BCAS3: variants seen among roughly 807,000 people sequenced by gnomAD.
BCAS3 encodes the protein BCAS3 microtubule associated cell migration factor.
In BCAS3, 53 loss-of-function variants were observed where a neutral mutation model predicts 116.1. That is an observed-to-expected ratio of 0.46 (90% confidence interval 0.37 to 0.57). BCAS3 has a LOEUF of 0.57. BCAS3 is among the 20% of genes least tolerant of loss of function. BCAS3 has a pLI of 0.00. For missense variants in BCAS3, 917 were observed against 1,165.4 expected (o/e 0.79, Z 3.10); for synonymous variants, 391 against 408.2 (o/e 0.96, Z 0.51).
At chr17:61,185,517 C>G (rs915531821) in intron 22 of BCAS3, among the ~76,000 whole-genome samples, 6 of 152,202 alleles carry the variant, frequency 3.9e-5, no homozygotes, top group Middle Eastern at 3.4e-3. Flanking sequence ...TCGGAAGTAA[C>G]CAACTGACAA....
chr17:61,254,100 C>T (rs936187729), intron 22 of BCAS3, among the ~76,000 whole-genome samples: 55 of 152,206 alleles, frequency 3.6e-4, no homozygotes, highest in African/African-American at 1.3e-3. Context: ...TGGAGACAAG[C>T]CCGAGGAAAA....
At chr17:61,232,490 G>A (rs1243722262) in intron 22 of BCAS3, among the ~76,000 whole-genome samples, 1 of 152,114 alleles carries the variant, frequency 6.6e-6, no homozygotes, top group Non-Finnish European at 1.5e-5. Flanking sequence ...AGAGTCCCAG[G>A]TAGGAATATG....
rs2143292335 is a variant in BCAS3 at position 61,346,706 on chromosome 17, C to A, written c.2426-21621C>A. Among the ~76,000 whole-genome samples, 3 of 152,310 alleles carry A rather than the reference C, an allele frequency of 2.0e-5. No homozygotes were observed. In the South Asian group the frequency reaches 6.2e-4, roughly 32 times the overall value. ...CCTATACTGCCTCTGTTAGGCTCTG[C>A]AAATCTAAAAATAAGATAAAGCAAT... On this transcript the variant is annotated intron_variant, in intron 22 of 23. Transcript: ENST00000407086. This position sits in a 1 kb window ranked among gnomAD's most constrained non-coding sequence, Gnocchi z 5.4.
At chr17:60,810,886 A>G in intron 7 of BCAS3, 1 of 702,274 alleles carries the variant, frequency 1.4e-6, no homozygotes, top group South Asian at 1.4e-5. Flanking sequence ...AGATGCCCCC[A>G]AATCTCAGGA....
At chr17:61,154,491 A>G (rs1044361156) in intron 22 of BCAS3, among the ~76,000 whole-genome samples, 2 of 150,896 alleles carry the variant, frequency 1.3e-5, no homozygotes, top group Non-Finnish European at 2.9e-5. Flanking sequence ...GCTGGAGTGC[A>G]GTGGGGGGAT....
At chr17:61,375,490 A>G (rs1167057149) in intron 23 of BCAS3, among the ~76,000 whole-genome samples, 1 of 152,060 alleles carries the variant, frequency 6.6e-6, no homozygotes, top group Admixed American at 6.6e-5. Flanking sequence ...AATAGGGATC[A>G]TATTAGCCCC....
intron 7 of BCAS3, among the ~76,000 whole-genome samples, chr17:60,814,413 A>T (rs1480612676): frequency 1.3e-5 from 2 of 151,054 alleles, no homozygotes; most frequent in Non-Finnish European, 3.0e-5. Flanking sequence ...ATTTTTTTTT[A>T]TCCTGAAACT....
At chr17:60,806,154 G>A (rs2048265889) in intron 6 of BCAS3, among the ~76,000 whole-genome samples, 1 of 152,146 alleles carries the variant, frequency 6.6e-6, no homozygotes, top group Non-Finnish European at 1.5e-5. Context: ...GGGATTACAG[G>A]CGTGAGCCAC....
chr17:60,979,810 G>A (rs1184801562), intron 14 of BCAS3, among the ~76,000 whole-genome samples: 10 of 152,158 alleles, frequency 6.6e-5, no homozygotes, highest in East Asian at 1.9e-4. Flanking sequence ...ACTGATTTGC[G>A]TATGTTGAAC....
chr17:61,045,900 TA>T (rs2068077343), intron 19 of BCAS3, among the ~76,000 whole-genome samples: 1 of 36,772 alleles, frequency 2.7e-5, no homozygotes, highest in East Asian at 8.2e-4. Context: ...ATATAATATA[TA>T]TAAATATATA....
intron 6 of BCAS3, among the ~76,000 whole-genome samples, chr17:60,796,008 T>A (rs1253823581): frequency 2.0e-5 from 3 of 152,168 alleles, no homozygotes; most frequent in African/African-American, 4.8e-5. Flanking sequence ...TGTTTTTAAT[T>A]TGGTCTATGT....
intron 8 of BCAS3, among the ~76,000 whole-genome samples, chr17:60,871,752 A>T (rs1041827811): frequency 1.3e-5 from 2 of 151,856 alleles, no homozygotes; most frequent in African/African-American, 2.4e-5. Flanking sequence ...AGGGGTAATT[A>T]TCTATAATCC....
intron 22 of BCAS3, among the ~76,000 whole-genome samples, chr17:61,114,783 G>C (rs112452822): frequency 6.7e-6 from 1 of 149,022 alleles, no homozygotes; most frequent in African/African-American, 2.4e-5. Context: ...CATCGCCAAG[G>C]CAATCCTAAG....
intron 6 of BCAS3, among the ~76,000 whole-genome samples, chr17:60,768,513 A>G (rs927712523): frequency 2.0e-5 from 3 of 152,178 alleles, no homozygotes; most frequent in Non-Finnish European, 4.4e-5. Context: ...TTTGGGACTC[A>G]GACTGGCTCT....
Position 61,222,478 on chromosome 17 carries a change from C to T in BCAS3, c.2425+137914C>T, listed in dbSNP as rs775624867. Among the ~76,000 whole-genome samples, 30 of 152,122 alleles carry T rather than the reference C, an allele frequency of 2.0e-4. No homozygotes were observed. The highest frequency in any genetic ancestry group is 1.1e-3 in the Admixed American group (17 of 15,272). ...AAGTCTACTTAAAAAGAAAAGGACTCGTAGCATTCCTCTTTTCGCTGTTGC... is the reference window on the plus strand; with the variant it reads ...AAGTCTACTTAAAAAGAAAAGGACTTGTAGCATTCCTCTTTTCGCTGTTGC... On this transcript the variant is annotated intron_variant, in intron 22 of 23. Coordinates refer to ENST00000407086, the MANE Select transcript of BCAS3 (RefSeq NM_017679.5). This position sits in a 1 kb window ranked among gnomAD's most constrained non-coding sequence, Gnocchi z 6.1.
chr17:61,086,457 G>A (rs2073101615), intron 22 of BCAS3, among the ~76,000 whole-genome samples: 1 of 152,226 alleles, frequency 6.6e-6, no homozygotes, highest in African/African-American at 2.4e-5. Context: ...CAACAAGGGA[G>A]GAGCTTCAGT....
intron 7 of BCAS3, among the ~76,000 whole-genome samples, chr17:60,837,318 T>C (rs1568353263): frequency 6.6e-6 from 1 of 152,178 alleles, no homozygotes; most frequent in Non-Finnish European, 1.5e-5. Flanking sequence ...TCACTAGAAC[T>C]TTATTTATTT....
chr17:60,796,567 C>A (rs2047230728), intron 6 of BCAS3, among the ~76,000 whole-genome samples: 1 of 152,138 alleles, frequency 6.6e-6, no homozygotes, highest in Non-Finnish European at 1.5e-5. Context: ...GTTGTAATAT[C>A]TCCTGTTTCA....
At chr17:60,757,351 TAAATA>T (rs2043098165) in intron 6 of BCAS3, among the ~76,000 whole-genome samples, 2 of 149,164 alleles carry the variant, frequency 1.3e-5, no homozygotes, top group Admixed American at 6.7e-5. Flanking sequence ...AATAAATAAA[TAAATA>T]AATAAATGAG....
Sources: allele counts gnomAD v4.1 joint callset (sites outside exome capture counted in the v4.1 genomes callset), GRCh38; gene constraint gnomAD v4.1.1; non-coding constraint Gnocchi (gnomAD v3.1); transcripts MANE v1.5; gene names NCBI Gene and HGNC (gene_info 2026-07-23, HGNC 2026-07-21).